ASXL3: variants seen among roughly 807,000 people sequenced by gnomAD.
ASXL3 encodes ASXL transcriptional regulator 3.
A neutral mutation model predicts 170.6 loss-of-function variants in ASXL3; 34 were observed. That is an observed-to-expected ratio of 0.20 (90% confidence interval 0.15 to 0.27). ASXL3 has a LOEUF of 0.27. Among genes scored for constraint, ASXL3 ranks in the 10% least tolerant of loss-of-function variants. The probability of loss-of-function intolerance (pLI) is 1.00; values close to 1 mark genes in which losing one functional copy is unlikely to be tolerated. For synonymous variants in ASXL3, 1,002 were observed against 989.1 expected (o/e 1.01, Z -0.24); for missense variants, 2,592 against 2,695.3 (o/e 0.96, Z 0.85).
chr18:33,676,222 C>CAAAAAGAAAAAA (rs2066427736), intron 7 of ASXL3, among the ~76,000 whole-genome samples: 1 of 41,732 alleles, frequency 2.4e-5, no homozygotes, highest in African/African-American at 9.8e-5. Context: ...GACTCCGTCT[C>CAAAAAGAAAAAA]AAAAAAAAAA....
rs2067592030 is a variant in ASXL3, at chr18:33,738,697, A to C, written c.1293A>C (p.Lys431Asn). Residue 431 changes from lysine to asparagine, a missense_variant, in exon 11 of 12, where the codon AAA becomes AAC. Physicochemically the swap from Lys to Asn is moderately conservative, Grantham distance 94. Coordinates refer to ENST00000269197, the MANE Select transcript of ASXL3 (RefSeq NM_030632.3). ...TLCPMVEIPP[K>N]DIMAELESED... ...GCCCTATGGTAGAAATTCCACCTAAAGATATAATGGCAGAATTGGAGTCAG... is the reference window on the plus strand; with the variant it reads ...GCCCTATGGTAGAAATTCCACCTAACGATATAATGGCAGAATTGGAGTCAG... 1 of 1,614,028 alleles carries C rather than the reference A, an allele frequency of 6.2e-7. No homozygotes were observed. Among genetic ancestry groups the C allele is most frequent in the Non-Finnish European group, 8.5e-7 (1 of 1,179,880 alleles).
intron 1 of ASXL3, among the ~76,000 whole-genome samples, chr18:33,593,708 T>C (rs1279841931): frequency 6.6e-6 from 1 of 152,172 alleles, no homozygotes; most frequent in Non-Finnish European, 1.5e-5. Flanking sequence ...GGGATTAAGT[T>C]GTAAATACAC....
intron 1 of ASXL3, among the ~76,000 whole-genome samples, chr18:33,603,440 T>A (rs2065206740): frequency 6.6e-6 from 1 of 152,006 alleles, no homozygotes; most frequent in South Asian, 2.1e-4. Flanking sequence ...CTCCCCATAC[T>A]AGGACGTGTA....
At chr18:33,622,288 T>A (rs921083524) in intron 2 of ASXL3, among the ~76,000 whole-genome samples, 14 of 152,302 alleles carry the variant, frequency 9.2e-5, no homozygotes, top group African/African-American at 3.4e-4. Context: ...ATGGTGATAT[T>A]GATCCCTGAC....
intron 5 of ASXL3, among the ~76,000 whole-genome samples, chr18:33,667,658 C>T (rs1040212658): frequency 1.1e-4 from 16 of 152,122 alleles, no homozygotes; most frequent in African/African-American, 3.9e-4. Flanking sequence ...TCCTTTGTTG[C>T]CTCCAGAGAG....
chr18:33,721,167 A>G (rs1002230925), intron 8 of ASXL3, among the ~76,000 whole-genome samples: 6 of 152,032 alleles, frequency 3.9e-5, no homozygotes, highest in Non-Finnish European at 8.8e-5. Flanking sequence ...TTGCTTTCCT[A>G]CAGTCTTATT....
intron 8 of ASXL3, among the ~76,000 whole-genome samples, chr18:33,700,399 G>C (rs1213963544): frequency 3.3e-5 from 5 of 152,006 alleles, no homozygotes; most frequent in Non-Finnish European, 5.9e-5. Context: ...CAATGTATTT[G>C]AAGTTTCCTA....
chr18:33,688,160 G>C (rs1184819836), intron 8 of ASXL3, among the ~76,000 whole-genome samples: 1 of 152,132 alleles, frequency 6.6e-6, no homozygotes, highest in Non-Finnish European at 1.5e-5. Flanking sequence ...TGTAGCCAAG[G>C]GAATGGAATA....
Position 33,748,568 on chromosome 18 carries a change from A to G in ASXL3, c.*1973A>G, listed in dbSNP as rs949961132. ...ACCAGCCTTACCCGAGGAAAGCAGCATAAGTTCCAGTGGATCCTTAGTTTT... is the reference window on the plus strand; with the variant it reads ...ACCAGCCTTACCCGAGGAAAGCAGCGTAAGTTCCAGTGGATCCTTAGTTTT... On this transcript the variant is annotated 3_prime_UTR_variant, in exon 12 of 12. Transcript: ENST00000269197. The G allele has an allele frequency of 3.9e-5, 6 of 152,208 alleles. No homozygotes were observed. Among genetic ancestry groups the G allele is most frequent in the South Asian group, 2.1e-4 (1 of 4,828 alleles). The allele number at this position is 152,208 out of a possible 1,614,324, so 9.4% of individuals were successfully genotyped here. A position where few individuals can be genotyped will look rare whatever the true frequency, so the allele number is the denominator to read the frequency against.
intron 8 of ASXL3, among the ~76,000 whole-genome samples, chr18:33,693,863 A>C (rs1296816574): frequency 6.6e-6 from 1 of 152,156 alleles, no homozygotes; most frequent in East Asian, 1.9e-4. Context: ...TTGACTGATT[A>C]GATGTGGTTG....
intron 2 of ASXL3, 40 bp from the exon 3 acceptor site, chr18:33,644,854 A>AC (rs2065896172): frequency 1.5e-6 from 2 of 1,313,670 alleles, no homozygotes; most frequent in Admixed American, 4.2e-5. Flanking sequence ...TAGAAGCTGT[A>AC]CCTCAGACTG....
chr18:33,685,405 C>T (rs1370686140), intron 8 of ASXL3, among the ~76,000 whole-genome samples: 1 of 152,130 alleles, frequency 6.6e-6, no homozygotes, highest in Non-Finnish European at 1.5e-5. Flanking sequence ...GATGATTCTT[C>T]CGTTATAAGC....
At chr18:33,631,255 A>G (rs1334787081) in intron 2 of ASXL3, among the ~76,000 whole-genome samples, 1 of 152,098 alleles carries the variant, frequency 6.6e-6, no homozygotes, top group African/African-American at 2.4e-5. Flanking sequence ...ACAGCAGAGG[A>G]GCTCTAACGC....
intron 2 of ASXL3, among the ~76,000 whole-genome samples, chr18:33,608,860 C>T (rs1207168452): frequency 6.6e-6 from 1 of 152,026 alleles, no homozygotes; most frequent in Admixed American, 6.6e-5. Flanking sequence ...GTGTGGGTAA[C>T]ATCAGCCTCT....
chr18:33,683,778 A>T (rs906633197), intron 8 of ASXL3: 3 of 442,466 alleles, frequency 6.8e-6, no homozygotes, highest in African/African-American at 6.1e-5. Flanking sequence ...AAAATACGGT[A>T]CATTGTGGTA....
chr18:33,578,801 G>T (rs1469506642), intron 1 of ASXL3, 116 bp downstream of exon 1: 3 of 616,100 alleles, frequency 4.9e-6, no homozygotes, highest in Middle Eastern at 5.8e-4. Flanking sequence ...CCCGCTCGCC[G>T]GGCTCCTGCT....
At position 33,743,574 on chromosome 18, in the gene ASXL3, C is replaced by T. The variant is rs772120074; in HGVS notation, c.3726C>T (p.Ser1242=). Residue 1242 remains serine, a synonymous_variant, in exon 12 of 12, where the codon AGC becomes AGT. Coordinates refer to ENST00000269197, the MANE Select transcript of ASXL3 (RefSeq NM_030632.3). ...ATTCTGTCCCTGTATCTGTTTGCAGCACTGCTATATCGGGAGCAATTAAAG... is the reference window on the plus strand; with the variant it reads ...ATTCTGTCCCTGTATCTGTTTGCAGTACTGCTATATCGGGAGCAATTAAAG... ...NKNSVPVSVC[S]TAISGAIKEH... 1.9e-5 allele frequency: 31 copies of T among 1,613,090 alleles called. No individual in the cohort carries two copies. In the South Asian group the frequency reaches 3.3e-4, roughly 17 times the overall value.
At chr18:33,603,415 T>G (rs2065206066) in intron 1 of ASXL3, among the ~76,000 whole-genome samples, 1 of 152,044 alleles carries the variant, frequency 6.6e-6, no homozygotes, top group African/African-American at 2.4e-5. Flanking sequence ...ACAGGTCCTT[T>G]TTTGCATTTT....
chr18:33,652,170 A>G (rs1255623420), intron 4 of ASXL3, among the ~76,000 whole-genome samples: 2 of 152,048 alleles, frequency 1.3e-5, no homozygotes, highest in Non-Finnish European at 2.9e-5. Context: ...TATAAATTTT[A>G]TGGTCTATTT....
Sources: gnomAD v4.1 joint callset for allele counts (sites outside exome capture counted in the v4.1 genomes callset) on GRCh38, gnomAD v4.1.1 for gene constraint, MANE v1.5 for transcripts, NCBI Gene and HGNC (gene_info 2026-07-23, HGNC 2026-07-21) for gene names.